The following SULF2 variants were observed in gnomAD, a reference collection of about 807,000 sequenced individuals.
SULF2 encodes the protein extracellular sulfatase Sulf-2.
A neutral mutation model predicts 107.7 loss-of-function variants in SULF2; 52 were observed. That is an observed-to-expected ratio of 0.48 (90% confidence interval 0.39 to 0.61). SULF2 has a LOEUF of 0.61. Ranked by LOEUF, SULF2 falls within the 20% of genes least tolerant of loss-of-function variation. SULF2 has a pLI of 0.00. For missense variants in SULF2, 993 were observed against 1,177.3 expected (o/e 0.84, Z 2.29); for synonymous variants, 460 against 464.3 (o/e 0.99, Z 0.12).
chr20:47,777,835 C>T (rs1207933941), intron 1 of SULF2, among the ~76,000 whole-genome samples: 1 of 152,252 alleles, frequency 6.6e-6, no homozygotes, highest in East Asian at 1.9e-4. Context: ...TGTGAGCTAA[C>T]AGTTTTTTCA....
chr20:47,744,284 GCGATTCTC>G (rs139862750), intron 2 of SULF2, among the ~76,000 whole-genome samples: 1 of 152,284 alleles, frequency 6.6e-6, no homozygotes, highest in African/African-American at 2.4e-5. Context: ...CTGGGTTCAA[GCGATTCTC>G]CTGCCTCAGC....
In SULF2 at chr20:47,701,873, C is replaced by T. The variant is rs567653028; in HGVS notation, c.567+646G>A. 5.3e-5 allele frequency among the ~76,000 whole-genome samples: 8 copies of T among 152,216 alleles called. No individual in the cohort carries two copies. The South Asian group carries it at 1.2e-3, about 24-fold the overall frequency. The stretch of plus-strand genomic sequence containing the variant: ...GGGGAATTCCGTGAGGGGACTGCTG[C>T]GGGCGGTGGTGACATTCTCTTCTTG... On this transcript the variant is annotated intron_variant, in intron 4 of 20. Transcript: ENST00000688720.
At chr20:47,670,220 T>C (rs1279045691) in intron 11 of SULF2, among the ~76,000 whole-genome samples, 1 of 152,118 alleles carries the variant, frequency 6.6e-6, no homozygotes, top group African/African-American at 2.4e-5. Flanking sequence ...TTTGAGACAG[T>C]CTTGCTCTGT....
chr20:47,661,930 A>T (rs978938874), intron 17 of SULF2, 34 bp from the exon 18 acceptor site: 1 of 1,517,016 alleles, frequency 6.6e-7, no homozygotes, highest in African/African-American at 1.4e-5. Flanking sequence ...TCAACAAGGT[A>T]AGTACAGGGA....
intron 14 of SULF2, 110 bp from the exon 15 acceptor site, chr20:47,664,299 T>C (rs1602583105): frequency 1.9e-6 from 2 of 1,079,110 alleles, no homozygotes; most frequent in Non-Finnish European, 2.7e-6. Flanking sequence ...GCCCCACCCC[T>C]GTCCCTCCTT....
At chr20:47,743,047 C>T (rs1405409244) in intron 2 of SULF2, among the ~76,000 whole-genome samples, 1 of 151,232 alleles carries the variant, frequency 6.6e-6, no homozygotes, top group South Asian at 2.1e-4. Flanking sequence ...AGACAAATCC[C>T]TGCGGCCCTC....
At chr20:47,718,138 C>T (rs375979910) in intron 3 of SULF2, among the ~76,000 whole-genome samples, 130 of 152,186 alleles carry the variant, frequency 8.5e-4, no homozygotes, top group African/African-American at 2.9e-3. Context: ...TTTTATCCTC[C>T]GAGGCAGGCA....
intron 1 of SULF2, among the ~76,000 whole-genome samples, chr20:47,762,344 A>G (rs1387357997): frequency 6.6e-6 from 1 of 152,208 alleles, no homozygotes; most frequent in South Asian, 2.1e-4. Flanking sequence ...GAAACCAGAA[A>G]CCAATCACAG....
chr20:47,768,410 GA>G (rs759174206), intron 1 of SULF2, among the ~76,000 whole-genome samples: 1 of 152,260 alleles, frequency 6.6e-6, no homozygotes, highest in Non-Finnish European at 1.5e-5. Context: ...GATCAGAAGT[GA>G]AATTCCCTTT....
chr20:47,702,881 A>G (rs2088617148), intron 3 of SULF2, among the ~76,000 whole-genome samples: 1 of 152,234 alleles, frequency 6.6e-6, no homozygotes, highest in Admixed American at 6.5e-5. Context: ...AAATACGGTT[A>G]TCAAAATACT....
chr20:47,665,128 CGA>C (rs2087217634), intron 14 of SULF2, 69 bp downstream of exon 14: 4 of 976,412 alleles, frequency 4.1e-6, no homozygotes, highest in Non-Finnish European at 3.3e-6. Context: ...GGGTCAATCA[CGA>C]GAGGGGATGA....
Position 47,663,529 on chromosome 20 carries a change from G to C in SULF2, c.2151C>G (p.Asn717Lys). ...LRKLLKRLQN[N>K]DTCSMPGLTC... is the part of the protein sequence containing the mutation. Reference sequence around the variant, plus strand: ...TGAGGCCTGGCATGCTGCACGTGTCGTTGTTCTGCAGGCGCTTGAGCAGCT... The same window carrying C: ...TGAGGCCTGGCATGCTGCACGTGTCCTTGTTCTGCAGGCGCTTGAGCAGCT... The change falls in exon 16 of 21, where the codon AAC (asparagine) becomes AAG (lysine). Residue 717 changes from asparagine (N) to lysine (K), a missense_variant. Physicochemically the swap from Asn to Lys is moderately conservative, Grantham distance 94. Coordinates refer to ENST00000688720, the MANE Select transcript of SULF2 (RefSeq NM_001387048.1). The C allele has an allele frequency of 2.5e-6, 4 of 1,612,958 alleles. No homozygotes were observed. The highest frequency in any genetic ancestry group is 3.4e-6 in the Non-Finnish European group (4 of 1,180,022).
At chr20:47,769,801 G>C (rs2090594822) in intron 1 of SULF2, among the ~76,000 whole-genome samples, 2 of 152,270 alleles carry the variant, frequency 1.3e-5, no homozygotes, top group East Asian at 3.9e-4. Context: ...GGAGTGAGGG[G>C]GTGTAACTTT....
chr20:47,745,188 C>T (rs965188925), intron 2 of SULF2, among the ~76,000 whole-genome samples: 1 of 151,722 alleles, frequency 6.6e-6, no homozygotes, highest in East Asian at 1.9e-4. Flanking sequence ...TAGAACCTAT[C>T]GCTATGTCAC....
intron 2 of SULF2, among the ~76,000 whole-genome samples, chr20:47,738,154 C>G (rs558365523): frequency 7.9e-5 from 12 of 152,188 alleles, no homozygotes; most frequent in Non-Finnish European, 1.5e-4. Context: ...CTACTGCGTG[C>G]AGGCCAAGGT....
At chr20:47,664,593 G>A (rs998831555) in intron 14 of SULF2, among the ~76,000 whole-genome samples, 4 of 152,306 alleles carry the variant, frequency 2.6e-5, no homozygotes, top group East Asian at 1.9e-4. Context: ...ACACTTGGTC[G>A]GGGTCAACAC....
chr20:47,731,412 T>C (rs2089608833), intron 3 of SULF2, among the ~76,000 whole-genome samples: 1 of 151,874 alleles, frequency 6.6e-6, no homozygotes, highest in Non-Finnish European at 1.5e-5. Flanking sequence ...AGGCTGGTCT[T>C]GAACTCCTGA....
At chr20:47,695,467 C>A (rs1243455202) in intron 4 of SULF2, among the ~76,000 whole-genome samples, 1 of 152,172 alleles carries the variant, frequency 6.6e-6, no homozygotes, top group Non-Finnish European at 1.5e-5. Context: ...CCCTGCCAAC[C>A]ACCATTCTCC....
At chr20:47,689,696 G>A (rs1022325977) in intron 5 of SULF2, 1 of 155,242 alleles carries the variant, frequency 6.4e-6, no homozygotes, top group African/African-American at 2.4e-5. Context: ...GAATATTCAG[G>A]GACTGGACAA....
Sources: allele counts gnomAD v4.1 joint callset (sites outside exome capture counted in the v4.1 genomes callset), GRCh38; gene constraint gnomAD v4.1.1; transcripts MANE v1.5; gene names NCBI Gene and HGNC (gene_info 2026-07-23, HGNC 2026-07-21).